Variants in UBE3C observed in about 807,000 individuals in gnomAD.
UBE3C encodes ubiquitin-protein ligase E3C.
UBE3C carries 42 observed loss-of-function variants against 129.4 expected under a neutral mutation model. The observed-to-expected ratio is 0.32, with a 90% CI of 0.25 to 0.42. UBE3C has a LOEUF of 0.42. Among genes scored for constraint, UBE3C ranks in the 10% least tolerant of loss-of-function variants. The pLI is 1.00. For missense variants in UBE3C, 1,049 were observed against 1,319.1 expected, an observed-to-expected ratio of 0.80 and a Z score of 3.17; for synonymous variants, 510 against 492.4, an observed-to-expected ratio of 1.04 and a Z score of -0.47.
At chr7:157,167,626 C>T (rs374180752) in intron 2 of UBE3C, among the ~76,000 whole-genome samples, 10 of 152,132 alleles carry the variant, frequency 6.6e-5, no homozygotes, top group African/African-American at 2.4e-4. Flanking sequence ...CAAGCTCCAC[C>T]TCCCGGGTTC....
At chr7:157,215,139 T>G (rs1809699011) in intron 13 of UBE3C, among the ~76,000 whole-genome samples, 1 of 152,214 alleles carries the variant, frequency 6.6e-6, no homozygotes. Flanking sequence ...AGGTGCATCT[T>G]TGATCTTGAG....
intron 11 of UBE3C, among the ~76,000 whole-genome samples, chr7:157,205,542 C>G (rs1368556730): frequency 1.3e-5 from 2 of 152,122 alleles, no homozygotes; most frequent in African/African-American, 4.8e-5. Context: ...AGAAGCCACC[C>G]CTGTCCAGTT....
intron 1 of UBE3C, among the ~76,000 whole-genome samples, chr7:157,160,023 C>G (rs1402375390): frequency 1.3e-5 from 2 of 151,642 alleles, no homozygotes; most frequent in East Asian, 3.9e-4. Context: ...TCAGATAGGA[C>G]TTTTTATAAA....
chr7:157,143,072 G>A (rs1354813508), intron 1 of UBE3C, among the ~76,000 whole-genome samples: 2 of 152,006 alleles, frequency 1.3e-5, no homozygotes, highest in East Asian at 1.9e-4. Flanking sequence ...TCTCCATGTC[G>A]GTCGGGCGGG....
intron 10 of UBE3C, chr7:157,192,681 A>T (rs1460740424): frequency 1.3e-6 from 1 of 773,714 alleles, no homozygotes; most frequent in Non-Finnish European, 2.4e-6. Flanking sequence ...GAAGTATTAG[A>T]AGGTGGATGA....
At chr7:157,258,884 T>C (rs1047575523) in intron 22 of UBE3C, among the ~76,000 whole-genome samples, 1 of 152,254 alleles carries the variant, frequency 6.6e-6, no homozygotes, top group African/African-American at 2.4e-5. Flanking sequence ...ACTGACCAAT[T>C]GTTAACATTT....
intron 19 of UBE3C, among the ~76,000 whole-genome samples, chr7:157,248,832 G>A (rs542261297): frequency 2.6e-5 from 4 of 152,204 alleles, no homozygotes; most frequent in East Asian, 1.9e-4. Flanking sequence ...CTCCACTCTC[G>A]AGGCTGCGGC....
Position 157,157,880 on chromosome 7 carries a change from C to T in UBE3C, c.67-5930C>T, listed in dbSNP as rs182037240. Among the ~76,000 whole-genome samples the T allele has an allele frequency of 9.5e-3, 1,442 of 151,466 alleles. 15 individuals are homozygous for T. Among genetic ancestry groups the T allele is most frequent in the African/African-American group, 0.033 (1,371 of 41,222 alleles). ...CCTGTAATCCCAGCTACTTGGAGGC[C>T]GAGGCAGGAGAATTGCTTGAACCTG... On this transcript the variant is annotated intron_variant, in intron 1 of 22. Transcript: ENST00000348165.
Position 157,190,266 on chromosome 7 carries a change from C to T in UBE3C, c.1331+3245C>T, listed in dbSNP as rs79306078. ...GGAGATGTCCCTGGGGACCTCTCCT[C>T]TGTCCCCTCCCAGGGTCTGAAGTTG... On this transcript the variant is annotated intron_variant, in intron 10 of 22. Transcript: ENST00000348165. Among the ~76,000 whole-genome samples the T allele has an allele frequency of 3.4e-3, 520 of 152,250 alleles. 16 individuals are homozygous for T. The South Asian group carries it at 0.047, about 14-fold the overall frequency.
intron 1 of UBE3C, among the ~76,000 whole-genome samples, chr7:157,144,122 A>T (rs1807534481): frequency 6.6e-6 from 1 of 152,214 alleles, no homozygotes; most frequent in African/African-American, 2.4e-5. Context: ...TGGAGAGTGA[A>T]TGGGAAGTCA....
chr7:157,264,665 G>A (rs183703526), intron 22 of UBE3C, among the ~76,000 whole-genome samples: 93 of 152,224 alleles, frequency 6.1e-4, no homozygotes, highest in African/African-American at 2.1e-3. Context: ...ACTGCAGCCT[G>A]CAACCTCTGC....
At chr7:157,261,445 C>A (rs1026142846) in intron 22 of UBE3C, among the ~76,000 whole-genome samples, 1 of 72,436 alleles carries the variant, frequency 1.4e-5, no homozygotes, top group Admixed American at 1.3e-4. Flanking sequence ...GACGGTCTTA[C>A]TGTTTTTTTT....
rs533361500 is a variant in UBE3C at position 157,179,472 on chromosome 7, A to C, written c.616+625A>C. 2.1e-4 allele frequency among the ~76,000 whole-genome samples: 32 copies of C among 152,328 alleles called. No homozygotes were observed. In the South Asian group the frequency reaches 5.0e-3, roughly 24 times the overall value. The stretch of plus-strand genomic sequence containing the variant: ...TGAAACCCTTGAGGACACATTAGTG[A>C]CACTTTCTGGAGAAAAAGGATGAAA... On this transcript the variant is annotated intron_variant, in intron 6 of 22. Coordinates refer to ENST00000348165, the MANE Select transcript of UBE3C (RefSeq NM_014671.3).
chr7:157,253,062 T>C (rs1383174875), intron 19 of UBE3C, among the ~76,000 whole-genome samples: 1 of 152,236 alleles, frequency 6.6e-6, no homozygotes, highest in Non-Finnish European at 1.5e-5. Context: ...TAAATACTTT[T>C]TAAAAATTTT....
chr7:157,191,125 G>T (rs1808951177), intron 10 of UBE3C, among the ~76,000 whole-genome samples: 1 of 152,180 alleles, frequency 6.6e-6, no homozygotes, highest in Admixed American at 6.5e-5. Flanking sequence ...TTCAACATAT[G>T]CTTGATTTTT....
At chr7:157,260,443 GGAGAATCTCTC>G (rs1476240019) in intron 22 of UBE3C, among the ~76,000 whole-genome samples, 1 of 152,154 alleles carries the variant, frequency 6.6e-6, no homozygotes, top group Non-Finnish European at 1.5e-5. Context: ...TGACCAGATA[GGAGAATCTCTC>G]GAGCGCAGGG....
In UBE3C at chr7:157,170,422, A is replaced by C; in HGVS notation, c.314A>C (p.Tyr105Ser). ...TTGGTAAGGCAGCTTCTGTTTTTTTACAAACAAAATGAAGACTCAAAACGT... is the reference window on the plus strand; with the variant it reads ...TTGGTAAGGCAGCTTCTGTTTTTTTCCAAACAAAATGAAGACTCAAAACGT... ...TLLVRQLLFF[Y>S]KQNEDSKRLI... The change falls in exon 4 of 23, where the codon TAC becomes TCC. Residue 105 changes from tyrosine (Y) to serine (S), a missense_variant. By Grantham distance (144) the Tyr-to-Ser change is moderately radical. Around this residue, in one of 4 missense-constraint regions of UBE3C, gnomAD observed 489 missense variants for 513.8 expected, o/e 0.95. Coordinates refer to ENST00000348165, the MANE Select transcript of UBE3C (RefSeq NM_014671.3). The C allele has an allele frequency of 6.4e-7, 1 of 1,560,206 alleles. No individual in the cohort carries two copies. The highest frequency in any genetic ancestry group is 8.6e-7 in the Non-Finnish European group (1 of 1,157,600).
At position 157,178,823 on chromosome 7, in the gene UBE3C, A is replaced by G; in HGVS notation, c.592A>G (p.Ile198Val). Residue 198 changes from isoleucine (I) to valine (V), a missense_variant, in exon 6 of 23, where the codon ATT (isoleucine) becomes GTT (valine). By Grantham distance (29) the Ile-to-Val change is conservative. Coordinates refer to ENST00000348165, the MANE Select transcript of UBE3C (RefSeq NM_014671.3). The stretch of plus-strand genomic sequence containing the variant: ...CTATGTGGTGTCAGTGATTGAACAA[A>G]TTTTGCACTACATGATTCACAATGG... The part of the protein sequence containing the change: ...ASYVVSVIEQ[I>V]LHYMIHNGYY... The G allele has an allele frequency of 6.2e-7, 1 of 1,614,170 alleles. No homozygotes were observed. Among genetic ancestry groups the G allele is most frequent in the South Asian group, 1.1e-5 (1 of 91,084 alleles).
chr7:157,226,387 C>T (rs1795879743), intron 17 of UBE3C, among the ~76,000 whole-genome samples: 1 of 152,142 alleles, frequency 6.6e-6, no homozygotes, highest in African/African-American at 2.4e-5. Flanking sequence ...TGCTATTAAC[C>T]TCTAATATAT....
Sources: allele counts gnomAD v4.1 joint callset (sites outside exome capture counted in the v4.1 genomes callset), GRCh38; gene constraint gnomAD v4.1.1; regional missense constraint gnomAD v4.1.1; transcripts MANE v1.5; gene names NCBI Gene and HGNC (gene_info 2026-07-23, HGNC 2026-07-21).